SUMF1: variants seen among roughly 807,000 people sequenced by gnomAD.
The protein encoded by SUMF1 is sulfatase modifying factor 1.
SUMF1 carries 48 observed loss-of-function variants against 47.6 expected under a neutral mutation model. That is an observed-to-expected ratio of 1.01 (90% CI 0.80 to 1.28). The LOEUF (loss-of-function observed/expected upper bound fraction) is 1.28, where lower values mean the gene tolerates loss of function less well. Ranked by LOEUF, SUMF1 falls within the 50% of genes most tolerant of loss-of-function variation. SUMF1 has a pLI of 0.00. For missense variants in SUMF1, 571 were observed against 485.4 expected, an observed-to-expected ratio of 1.18 and a Z score of -1.66; for synonymous variants, 230 against 192.1, an observed-to-expected ratio of 1.20 and a Z score of -1.63.
chr3:4,276,378 CTA>C lies in SUMF1; in HGVS notation c.1014+99950_1014+99951del, dbSNP rs1413650785. Among the ~76,000 whole-genome samples the C allele has an allele frequency of 2.2e-5, 3 of 135,012 alleles. No homozygotes were observed. In the East Asian group the frequency reaches 5.9e-4, roughly 26 times the overall value. The allele number at this position is 135,012 out of a possible 152,430, so 88.6% of individuals were successfully genotyped here. ...ATGCTTTGTTATATTCAAAATATAA[CTA>C]TCTTTTACTATGACAAAGTACAAGT... On this transcript the variant is annotated intron_variant and NMD_transcript_variant, in intron 8 of 12. Transcript: ENST00000448413.
At chr3:4,206,481 G>C (rs1181417317) in intron 8 of SUMF1, among the ~76,000 whole-genome samples, 1 of 152,016 alleles carries the variant, frequency 6.6e-6, no homozygotes, top group African/African-American at 2.4e-5. Flanking sequence ...ACTGTTACTG[G>C]GCAGCACTGA....
chr3:4,140,398 C>A (rs138502125), intron 8 of SUMF1, among the ~76,000 whole-genome samples: 1 of 151,990 alleles, frequency 6.6e-6, no homozygotes, highest in African/African-American at 2.4e-5. Context: ...GATTCTTACT[C>A]CATTCTTATG....
At chr3:4,368,283 T>G (rs1277428074) in intron 8 of SUMF1, among the ~76,000 whole-genome samples, 2 of 152,060 alleles carry the variant, frequency 1.3e-5, no homozygotes, top group Non-Finnish European at 2.9e-5. Flanking sequence ...AAAACCACAA[T>G]GAGATATCAT....
intron 8 of SUMF1, among the ~76,000 whole-genome samples, chr3:4,269,316 C>T (rs1256156113): frequency 1.3e-5 from 2 of 152,126 alleles, no homozygotes; most frequent in African/African-American, 2.4e-5. Context: ...CCCCACTCCC[C>T]CCATCCCAAA....
At chr3:4,280,512 G>A (rs1305544225) in intron 8 of SUMF1, among the ~76,000 whole-genome samples, 1 of 151,984 alleles carries the variant, frequency 6.6e-6, no homozygotes, top group East Asian at 1.9e-4. Flanking sequence ...AAACACAGAG[G>A]CAGGAACCCC....
intron 8 of SUMF1, chr3:4,303,556 C>T (rs1461237211): frequency 1.5e-6 from 2 of 1,339,284 alleles, no homozygotes; most frequent in Non-Finnish European, 1.9e-6. Context: ...GCGCGGGAGG[C>T]GGGCGCGCGG....
intron 8 of SUMF1, among the ~76,000 whole-genome samples, chr3:4,276,790 A>C (rs1697429126): frequency 6.6e-6 from 1 of 151,908 alleles, no homozygotes; most frequent in South Asian, 2.1e-4. Context: ...GTGGCTTTTT[A>C]TTTTCTAGGT....
chr3:4,046,272 G>A (rs1398000446), intron 9 of SUMF1, among the ~76,000 whole-genome samples: 1 of 152,090 alleles, frequency 6.6e-6, no homozygotes, highest in Non-Finnish European at 1.5e-5. Flanking sequence ...AGGTTGAGAA[G>A]CTTTCGTACC....
chr3:4,096,290 C>A (rs572385526), intron 8 of SUMF1, among the ~76,000 whole-genome samples: 1 of 152,102 alleles, frequency 6.6e-6, no homozygotes, highest in Non-Finnish European at 1.5e-5. Flanking sequence ...AACACAAGGA[C>A]CCTAATTCCA....
chr3:4,150,362 G>C (rs1008676629), intron 8 of SUMF1, among the ~76,000 whole-genome samples: 3 of 151,522 alleles, frequency 2.0e-5, no homozygotes, highest in Non-Finnish European at 4.4e-5. Flanking sequence ...AGGAGTTTGC[G>C]ACCAGCCTGG....
intron 8 of SUMF1, among the ~76,000 whole-genome samples, chr3:4,069,777 T>C (rs150955036): frequency 2.3e-3 from 348 of 152,270 alleles, no homozygotes; most frequent in Non-Finnish European, 3.9e-3. Context: ...GACTCTGGAA[T>C]ACCATTATGA....
intron 9 of SUMF1, among the ~76,000 whole-genome samples, chr3:4,064,672 G>T (rs1241357211): frequency 1.3e-5 from 2 of 152,090 alleles, no homozygotes; most frequent in African/African-American, 4.8e-5. Flanking sequence ...TTCAGTAACA[G>T]CCTGATAACA....
chr3:4,202,498 G>T (rs1429734316), intron 8 of SUMF1, among the ~76,000 whole-genome samples: 1 of 151,936 alleles, frequency 6.6e-6, no homozygotes, highest in African/African-American at 2.4e-5. Flanking sequence ...ATGTTGTTCT[G>T]ATTACTATAG....
At chr3:4,206,621 T>C in intron 8 of SUMF1, among the ~76,000 whole-genome samples, 1 of 152,164 alleles carries the variant, frequency 6.6e-6, no homozygotes, top group Non-Finnish European at 1.5e-5. Context: ...ATTTCCTACC[T>C]CTTCAGTGCC....
intron 9 of SUMF1, among the ~76,000 whole-genome samples, chr3:4,053,455 T>G (rs546611689): frequency 1.3e-5 from 2 of 152,176 alleles, no homozygotes; most frequent in Non-Finnish European, 2.9e-5. Context: ...ATGGCACCAA[T>G]AGCCTTGCTT....
chr3:4,433,065 T>C (rs2125077671), intron 3 of SUMF1, among the ~76,000 whole-genome samples: 1 of 152,326 alleles, frequency 6.6e-6, no homozygotes, highest in South Asian at 2.1e-4. Context: ...GTTTCATCCA[T>C]TCCAAATTCT....
chr3:4,180,721 C>T (rs903571185), intron 8 of SUMF1, among the ~76,000 whole-genome samples: 3 of 102,412 alleles, frequency 2.9e-5, no homozygotes, highest in South Asian at 2.9e-4. Context: ...GGCATGGTGG[C>T]GCACTCCTAT....
chr3:4,189,996 G>T (rs1473500547), intron 8 of SUMF1, among the ~76,000 whole-genome samples: 1 of 152,140 alleles, frequency 6.6e-6, no homozygotes, highest in Non-Finnish European at 1.5e-5. Flanking sequence ...TCCAGTAGCT[G>T]TTGTGCTTAA....
chr3:4,258,566 C>T (rs312095), intron 8 of SUMF1, among the ~76,000 whole-genome samples: 4 of 151,948 alleles, frequency 2.6e-5, no homozygotes, highest in South Asian at 2.1e-4. Context: ...CTATGAGATA[C>T]CATCTCACAC....
Sources: allele counts gnomAD v4.1 joint callset (sites outside exome capture counted in the v4.1 genomes callset), GRCh38; gene constraint gnomAD v4.1.1; transcripts MANE v1.5; gene names NCBI Gene and HGNC (gene_info 2026-07-23, HGNC 2026-07-21).